H2BN1: variants seen among roughly 807,000 people sequenced by gnomAD.
The protein encoded by H2BN1 is histone H2B.N.
At chr17:32,901,206 CA>C in the H2BN1 span, among the ~76,000 whole-genome samples, 3 of 151,436 alleles carry the variant, frequency 2.0e-5, no homozygotes, top group Admixed American at 2.0e-4. Context: ...GACTCTGTGT[CA>C]AAAAAAATTT....
chr17:32,904,130 A>G, the H2BN1 span, among the ~76,000 whole-genome samples: 4,731 of 151,348 alleles, frequency 0.031, 251 homozygotes, highest in African/African-American at 0.11. Context: ...ATGGGGGTCA[A>G]CCCCCCAGAC....
chr17:32,903,120 A>G, the H2BN1 span, among the ~76,000 whole-genome samples: 1 of 151,826 alleles, frequency 6.6e-6, no homozygotes, highest in East Asian at 1.9e-4. Flanking sequence ...TTCCTGATAA[A>G]GTATTTGATT....
At chr17:32,904,156 C>G in the H2BN1 span, among the ~76,000 whole-genome samples, 6 of 152,190 alleles carry the variant, frequency 3.9e-5, no homozygotes, top group Non-Finnish European at 7.3e-5. Flanking sequence ...CACAAGGCCC[C>G]CGGTCACCCA....
At chr17:32,905,777 T>A in the H2BN1 span, 1 of 152,104 alleles carries the variant, frequency 6.6e-6, no homozygotes, top group African/African-American at 2.4e-5. Context: ...TTCCAGATCA[T>A]AGGTAGGTAA....
At chr17:32,896,241 CT>C in the H2BN1 span, among the ~76,000 whole-genome samples, 1 of 152,188 alleles carries the variant, frequency 6.6e-6, no homozygotes, top group Non-Finnish European at 1.5e-5. Flanking sequence ...ACGCCCTCTC[CT>C]TTTCTTGTAA....
chr17:32,896,648 G>A, the H2BN1 span, among the ~76,000 whole-genome samples: 1 of 152,182 alleles, frequency 6.6e-6, no homozygotes, highest in Non-Finnish European at 1.5e-5. Flanking sequence ...GAGGAGAGAA[G>A]GTGCATGATG....
the H2BN1 span, among the ~76,000 whole-genome samples, chr17:32,902,051 T>C: frequency 6.6e-6 from 1 of 152,112 alleles, no homozygotes; most frequent in Non-Finnish European, 1.5e-5. Flanking sequence ...TCAGTTATTT[T>C]ACTTTAGGAC....
chr17:32,903,458 T>C, the H2BN1 span, among the ~76,000 whole-genome samples: 49 of 152,316 alleles, frequency 3.2e-4, no homozygotes, highest in South Asian at 1.0e-3. Flanking sequence ...GAAATTAATA[T>C]GAATTTAATT....
the H2BN1 span, among the ~76,000 whole-genome samples, chr17:32,903,440 G>A: frequency 1.2e-4 from 19 of 152,200 alleles, no homozygotes; most frequent in African/African-American, 4.6e-4. Context: ...AAAAGTCTGT[G>A]TTAGAGGGAA....
chr17:32,900,805 T>A, the H2BN1 span, among the ~76,000 whole-genome samples: 16 of 152,160 alleles, frequency 1.1e-4, no homozygotes, highest in Middle Eastern at 6.8e-3. Flanking sequence ...ATGGTCTCGA[T>A]CTCCTGACAT....
the H2BN1 span, among the ~76,000 whole-genome samples, chr17:32,901,910 T>C: frequency 1.3e-5 from 2 of 152,186 alleles, no homozygotes; most frequent in Non-Finnish European, 2.9e-5. Context: ...CATTATACTT[T>C]CTCTTTAATT....
the H2BN1 span, among the ~76,000 whole-genome samples, chr17:32,904,298 T>C: frequency 6.6e-6 from 1 of 152,242 alleles, no homozygotes; most frequent in African/African-American, 2.4e-5. Context: ...GAATTGAGAT[T>C]ACTTTTGGGA....
the H2BN1 span, among the ~76,000 whole-genome samples, chr17:32,901,789 T>A: frequency 6.6e-6 from 1 of 152,216 alleles, no homozygotes; most frequent in Admixed American, 6.5e-5. Flanking sequence ...AGTTAAAATC[T>A]CTTGTAATTT....
At chr17:32,899,507 C>T in the H2BN1 span, among the ~76,000 whole-genome samples, 1 of 152,160 alleles carries the variant, frequency 6.6e-6, no homozygotes, top group Non-Finnish European at 1.5e-5. Context: ...TTATTGGCTC[C>T]ATAAGTCAAG....
chr17:32,895,529 A>G, the H2BN1 span, among the ~76,000 whole-genome samples: 6 of 152,178 alleles, frequency 3.9e-5, no homozygotes, highest in African/African-American at 1.4e-4. Context: ...CAACTCAGCC[A>G]CTGGGAAGAA....
chr17:32,902,304 T>TGAGA, the H2BN1 span, among the ~76,000 whole-genome samples: 1 of 152,202 alleles, frequency 6.6e-6, no homozygotes, highest in Non-Finnish European at 1.5e-5. Context: ...AAATTATAAC[T>TGAGA]GAGACAGTGA....
At chr17:32,896,440 CCTCAAAAG>C in the H2BN1 span, among the ~76,000 whole-genome samples, 1 of 152,134 alleles carries the variant, frequency 6.6e-6, no homozygotes, top group Non-Finnish European at 1.5e-5. Context: ...AAATCTTCCC[CCTCAAAAG>C]CTGGGAAGAT....
chr17:32,898,756 A>T, the H2BN1 span, among the ~76,000 whole-genome samples: 1 of 152,228 alleles, frequency 6.6e-6, no homozygotes, highest in African/African-American at 2.4e-5. Flanking sequence ...GGAAGGGAGA[A>T]AAACAAAAAC....
the H2BN1 span, among the ~76,000 whole-genome samples, chr17:32,897,358 T>TAAAC: frequency 8.1e-6 from 1 of 123,952 alleles, no homozygotes; most frequent in Non-Finnish European, 1.7e-5. Flanking sequence ...CTCTCTGTCT[T>TAAAC]ACACACACAC....
Sources: allele counts gnomAD v4.1 joint callset (sites outside exome capture counted in the v4.1 genomes callset), GRCh38; gene constraint gnomAD v4.1.1; transcripts MANE v1.5; gene names NCBI Gene and HGNC (gene_info 2026-07-23, HGNC 2026-07-21).